The following KCNQ1 variants were observed in gnomAD, a reference collection of about 807,000 sequenced individuals.
KCNQ1 encodes the protein potassium voltage-gated channel subfamily KQT member 1.
Under a neutral mutation model 72.4 loss-of-function variants are expected in KCNQ1, and 49 were observed. The ratio of observed to expected loss-of-function variants is 0.68; its 90% CI spans 0.54 to 0.86. The LOEUF is 0.86. KCNQ1 is among the 40% of genes least tolerant of loss of function. KCNQ1 has a pLI of 0.00. For missense variants in KCNQ1, 790 were observed against 945.1 expected, an observed-to-expected ratio of 0.84 and a Z score of 2.15; for synonymous variants, 450 against 412.6, an observed-to-expected ratio of 1.09 and a Z score of -1.10.
chr11:2,460,875 G>A (rs1393354128), intron 1 of KCNQ1, among the ~76,000 whole-genome samples: 4 of 152,218 alleles, frequency 2.6e-5, no homozygotes, highest in Non-Finnish European at 4.4e-5. Context: ...GACTGCTTCT[G>A]GTTGAGGGTT....
intron 1 of KCNQ1, among the ~76,000 whole-genome samples, chr11:2,499,453 G>A (rs184200055): frequency 2.6e-5 from 4 of 151,168 alleles, no homozygotes; most frequent in South Asian, 4.3e-4. Context: ...GAGTCCTTAC[G>A]TATCAATAAT....
intron 11 of KCNQ1, among the ~76,000 whole-genome samples, chr11:2,763,774 C>T (rs913253411): frequency 6.6e-6 from 1 of 151,896 alleles, no homozygotes; most frequent in Admixed American, 6.6e-5. Flanking sequence ...GTTGCCCAGG[C>T]TGATCTCAAA....
intron 10 of KCNQ1, chr11:2,634,425 G>T (rs567310193): frequency 2.2e-5 from 4 of 182,302 alleles, no homozygotes; most frequent in Non-Finnish European, 4.5e-5. Flanking sequence ...GAGAACATGC[G>T]GTGTTTGGTT....
chr11:2,629,006 T>A (rs1849307753), intron 10 of KCNQ1: 1 of 398,356 alleles, frequency 2.5e-6, no homozygotes, highest in African/African-American at 2.1e-5. Flanking sequence ...TGAAATATAA[T>A]TCAAAATAAG....
chr11:2,580,938 G>T (rs1848490116), intron 6 of KCNQ1, among the ~76,000 whole-genome samples: 3 of 152,254 alleles, frequency 2.0e-5, no homozygotes, highest in African/African-American at 4.8e-5. Flanking sequence ...CGGAGGCAGA[G>T]CCCGGAGTGG....
chr11:2,750,260 C>T lies in KCNQ1; in HGVS notation c.1515-18584C>T, dbSNP rs139063416. 2.0e-3 allele frequency among the ~76,000 whole-genome samples: 298 copies of T among 152,296 alleles called. 1 individual carries two copies. The highest frequency in any genetic ancestry group is 6.8e-3 in the Middle Eastern group (2 of 294). On this transcript the variant is annotated intron_variant, in intron 11 of 15. Transcript: ENST00000155840. The surrounding 1 kb of genome is among the most constrained non-coding windows in gnomAD (Gnocchi z 6.3). The stretch of plus-strand genomic sequence containing the variant: ...AATTGGGCCGGAGGCTGAAACAGGA[C>T]GACAGAGCCCTCAGCCCAGGGCGGA...
rs1564811940 is a variant in KCNQ1, at chr11:2,544,280, GTGTA to G, written c.477+16264_477+16267del. ...TATATGTGTGTGTGTGTATATATAT[GTGTA>G]TATATATATGTATATATGTGTATAT... is the stretch of plus-strand genomic sequence containing the variant. On this transcript the variant is annotated intron_variant, in intron 2 of 15. Transcript: ENST00000155840. The surrounding 1 kb of genome is among the most constrained non-coding windows in gnomAD (Gnocchi z 4.4). 2.6e-5 allele frequency among the ~76,000 whole-genome samples: 2 copies of G among 78,302 alleles called. No individual in the cohort carries two copies. Among genetic ancestry groups the G allele is most frequent in the Non-Finnish European group, 4.6e-5 (2 of 43,862 alleles). The allele number at this position is 78,302 out of a possible 152,430, so 51.4% of individuals were successfully genotyped here. A position where few individuals can be genotyped will look rare whatever the true frequency, so the allele number is the denominator to read the frequency against.
chr11:2,524,359 TCTC>T (rs1278187090), intron 1 of KCNQ1, among the ~76,000 whole-genome samples: 3 of 152,166 alleles, frequency 2.0e-5, no homozygotes, highest in Admixed American at 6.5e-5. Flanking sequence ...CAGTCCTGTG[TCTC>T]CTCCTCAGTT....
At chr11:2,455,745 G>A (rs757734164) in intron 1 of KCNQ1, among the ~76,000 whole-genome samples, 2 of 151,958 alleles carry the variant, frequency 1.3e-5, no homozygotes, top group East Asian at 1.9e-4. Flanking sequence ...AAAAAGAGCC[G>A]AAATAGCAAA....
intron 1 of KCNQ1, among the ~76,000 whole-genome samples, chr11:2,499,279 C>T (rs1846970048): frequency 6.6e-6 from 1 of 152,124 alleles, no homozygotes; most frequent in African/African-American, 2.4e-5. Context: ...TTTCAAGCCT[C>T]ATGGTAACCT....
intron 15 of KCNQ1, among the ~76,000 whole-genome samples, chr11:2,847,379 C>T (rs1848351781): frequency 1.3e-5 from 2 of 152,230 alleles, no homozygotes; most frequent in Admixed American, 1.3e-4. Context: ...AAGGCTGCCG[C>T]AAACCCAAAT....
chr11:2,573,734 C>G (rs1177498314), intron 6 of KCNQ1, among the ~76,000 whole-genome samples: 1 of 152,200 alleles, frequency 6.6e-6, no homozygotes. Flanking sequence ...CCGAGCCACC[C>G]AAAGCTCAGA....
intron 15 of KCNQ1, among the ~76,000 whole-genome samples, chr11:2,819,277 A>G (rs1847684126): frequency 6.6e-6 from 1 of 152,210 alleles, no homozygotes; most frequent in Admixed American, 6.5e-5. Flanking sequence ...GTGCTGAGGA[A>G]GGAGCAGGAG....
At chr11:2,455,320 G>A (rs1017611248) in intron 1 of KCNQ1, among the ~76,000 whole-genome samples, 5 of 151,998 alleles carry the variant, frequency 3.3e-5, no homozygotes, top group Admixed American at 6.6e-5. Context: ...GGATGGTCTT[G>A]ATCTCCTGAC....
chr11:2,660,676 G>C, intron 10 of KCNQ1: 1 of 398,610 alleles, frequency 2.5e-6, no homozygotes, highest in Non-Finnish European at 4.4e-6. Flanking sequence ...ATCCATGCTT[G>C]ATAGTCCCTG....
rs1345831731 is a variant in KCNQ1 at position 2,663,888 on chromosome 11, A to G, written c.1514+1807A>G. The G allele has an allele frequency of 2.5e-6, 1 of 398,586 alleles. No individual in the cohort carries two copies. The highest frequency in any genetic ancestry group is 4.4e-6 in the Non-Finnish European group (1 of 226,126). The allele number at this position is 398,586 out of a possible 1,614,324, so 24.7% of individuals were successfully genotyped here. ...ACCCACCTGCCCAAGGGTGACCCCAAGCCAGTGTGGCTGTGTCATCTAGGA... is the reference window on the plus strand; with the variant it reads ...ACCCACCTGCCCAAGGGTGACCCCAGGCCAGTGTGGCTGTGTCATCTAGGA... On this transcript the variant is annotated intron_variant, in intron 11 of 15. Transcript: ENST00000155840. The surrounding 1 kb of genome is among the most constrained non-coding windows in gnomAD (Gnocchi z 5.2).
Position 2,620,621 on chromosome 11 carries a change from T to G in KCNQ1, c.1393+31767T>G. On this transcript the variant is annotated intron_variant, in intron 10 of 15. Coordinates refer to ENST00000155840, the MANE Select transcript of KCNQ1 (RefSeq NM_000218.3). The surrounding 1 kb of genome is among the most constrained non-coding windows in gnomAD (Gnocchi z 4.5). ...GGCATCTAAGTGGATTCCATGTCTT[T>G]GCTGTTGTGAATAGTGCTGTGATGA... 1 of 397,904 alleles carries G rather than the reference T, an allele frequency of 2.5e-6. No individual in the cohort carries two copies. The highest frequency in any genetic ancestry group is 4.4e-5 in the Admixed American group (1 of 22,734). 24.6% of individuals were successfully genotyped at this position (397,904 alleles called of 1,614,324 possible).
In KCNQ1 at chr11:2,451,369, G is replaced by A. The variant is rs921737790; in HGVS notation, c.386+5885G>A. On this transcript the variant is annotated intron_variant, in intron 1 of 15. Coordinates refer to ENST00000155840, the MANE Select transcript of KCNQ1 (RefSeq NM_000218.3). This position sits in a 1 kb window ranked among gnomAD's most constrained non-coding sequence, Gnocchi z 6.4. ...TGATCCAACAGGAGGTAGAGCTCAG[G>A]TGGCCGTGCACATTCACCTGACGCT... Among the ~76,000 whole-genome samples the A allele has an allele frequency of 3.3e-5, 5 of 152,152 alleles. No individual in the cohort carries two copies. The highest frequency in any genetic ancestry group is 9.7e-5 in the African/African-American group (4 of 41,428).
intron 1 of KCNQ1, among the ~76,000 whole-genome samples, chr11:2,474,506 G>A (rs946987336): frequency 6.6e-6 from 1 of 152,250 alleles, no homozygotes; most frequent in African/African-American, 2.4e-5. Flanking sequence ...ATTAAATGCA[G>A]AGGCCATCTG....
Sources: allele counts gnomAD v4.1 joint callset (sites outside exome capture counted in the v4.1 genomes callset), GRCh38; gene constraint gnomAD v4.1.1; non-coding constraint Gnocchi (gnomAD v3.1); transcripts MANE v1.5; gene names NCBI Gene and HGNC (gene_info 2026-07-23, HGNC 2026-07-21).